The following RGS12 variants were observed in gnomAD, a reference collection of about 807,000 sequenced individuals.
RGS12 encodes regulator of G protein signaling 12.
RGS12 carries 66 observed loss-of-function variants against 120.1 expected under a neutral mutation model. The observed-to-expected ratio is 0.55, with a 90% CI of 0.45 to 0.67. The LOEUF is 0.67. RGS12 is among the 30% of genes least tolerant of loss of function. The probability of loss-of-function intolerance (pLI) is 0.00; values close to 1 mark genes in which losing one functional copy is unlikely to be tolerated. For missense variants in RGS12, 1,859 were observed against 1,957.7 expected, an observed-to-expected ratio of 0.95 and a Z score of 0.95; for synonymous variants, 827 against 804.7, an observed-to-expected ratio of 1.03 and a Z score of -0.47.
intron 1 of RGS12, among the ~76,000 whole-genome samples, chr4:3,315,198 A>C (rs1724659038): frequency 6.6e-6 from 1 of 152,082 alleles, no homozygotes; most frequent in African/African-American, 2.4e-5. Flanking sequence ...CGCCCCATGG[A>C]CCTCTGCCCT....
At chr4:3,428,796 C>A in intron 16 of RGS12, 85 bp downstream of exon 16, 1 of 1,239,140 alleles carries the variant, frequency 8.1e-7, no homozygotes, top group Non-Finnish European at 1.1e-6. Context: ...TTTGAGCTGT[C>A]AGCATCTGGG....
intron 3 of RGS12, among the ~76,000 whole-genome samples, chr4:3,380,639 G>A (rs1718165238): frequency 6.6e-6 from 1 of 152,212 alleles, no homozygotes; most frequent in South Asian, 2.1e-4. Context: ...CCACATGTAA[G>A]CTGCCAAGGC....
chr4:3,384,745 C>T (rs528869192), intron 3 of RGS12, among the ~76,000 whole-genome samples: 48 of 152,316 alleles, frequency 3.2e-4, no homozygotes, highest in African/African-American at 9.4e-4. Flanking sequence ...CGAAGCTGGC[C>T]CCAGGTGGTC....
rs569573948 is a variant in RGS12, at chr4:3,417,540, C to A, written c.2760C>A (p.Asp920Glu). Residue 920 changes from aspartate (D) to glutamate (E), a missense_variant and splice_region_variant, in exon 9 of 18, where the codon GAC becomes GAA. Physicochemically the swap from Asp to Glu is conservative, Grantham distance 45 (BLOSUM62 2). This residue lies in a region of RGS12 where 375 missense variants were observed against 475.0 expected (regional missense o/e 0.79). Coordinates refer to ENST00000336727, the MANE Select transcript of RGS12 (RefSeq NM_001394154.1). Reference sequence around the variant, plus strand: ...AGAGGGAGCACGGGGACCACGCAGACGGTTTGTGGGGTGGCTCCTGGGCTG... The same window carrying A: ...AGAGGGAGCACGGGGACCACGCAGAAGGTTTGTGGGGTGGCTCCTGGGCTG... ...QKKREHGDHA[D>E]DALHANGGLC... 6.2e-7 allele frequency: 1 copy of A among 1,612,496 alleles called. No homozygotes were observed. The highest frequency in any genetic ancestry group is 1.3e-5 in the African/African-American group (1 of 75,040).
At chr4:3,435,535 C>G (rs1386400754) in intron 17 of RGS12, among the ~76,000 whole-genome samples, 1 of 150,480 alleles carries the variant, frequency 6.6e-6, no homozygotes, top group Non-Finnish European at 1.5e-5. Flanking sequence ...CCCAGAGCCC[C>G]CTCTCCCTAG....
chr4:3,409,257 G>A (rs1053196819), intron 4 of RGS12, among the ~76,000 whole-genome samples: 1 of 152,212 alleles, frequency 6.6e-6, no homozygotes. Flanking sequence ...GAGCACACTG[G>A]GGAGGGAATA....
intron 4 of RGS12, among the ~76,000 whole-genome samples, chr4:3,398,176 AC>A (rs1163362441): frequency 6.6e-6 from 1 of 152,244 alleles, no homozygotes; most frequent in Non-Finnish European, 1.5e-5. Context: ...AATATAATTG[AC>A]CACTGGAAGT....
intron 3 of RGS12, chr4:3,343,265 G>T: frequency 2.0e-6 from 1 of 506,516 alleles, no homozygotes; most frequent in Middle Eastern, 5.5e-4. Flanking sequence ...AGGGCTTTCT[G>T]GGGTGCTCTT....
chr4:3,308,073 T>C (rs1024209647), intron 1 of RGS12, among the ~76,000 whole-genome samples: 3 of 152,194 alleles, frequency 2.0e-5, no homozygotes, highest in Admixed American at 6.5e-5. Flanking sequence ...CCCAGGACCA[T>C]GCGGTCAGGT....
intron 4 of RGS12, among the ~76,000 whole-genome samples, chr4:3,411,886 G>A (rs1320762): frequency 0.26 from 39,690 of 152,218 alleles, 5,451 homozygotes; most frequent in East Asian, 0.44. Flanking sequence ...GCGCTGGTGC[G>A]CGTCTTCTTG....
chr4:3,288,078 G>T (rs1448620812), upstream of RGS12, among the ~76,000 whole-genome samples: 7 of 152,246 alleles, frequency 4.6e-5, no homozygotes, highest in African/African-American at 1.7e-4. This position sits in a 1 kb window ranked among gnomAD's most constrained non-coding sequence, Gnocchi z 5.2. Flanking sequence ...GTACCTGCTG[G>T]CCCTGAGCTC....
rs760258089 is a variant in RGS12, at chr4:3,422,976, T to A, written c.3105T>A (p.Phe1035Leu). 1 of 1,612,740 alleles carries A rather than the reference T, an allele frequency of 6.2e-7. No homozygotes were observed. The highest frequency in any genetic ancestry group is 1.1e-5 in the South Asian group (1 of 91,076). The change falls in exon 12 of 18, where the codon TTT (phenylalanine) becomes TTA (leucine). Residue 1035 changes from phenylalanine (F) to leucine (L), a missense_variant and splice_region_variant. Around this residue, in one of 3 missense-constraint regions of RGS12, gnomAD observed 375 missense variants for 475.0 expected, o/e 0.79. Transcript: ENST00000336727. ...RDLRLEKRTL[F>L]RLDLVPINRS... ...TGCGCCTAGAAAAGCGCACCTTGTT[T>A]CGGTAAGAGGAAGATCGCTGTCATT...
chr4:3,410,808 C>T (rs1275087625), intron 4 of RGS12, among the ~76,000 whole-genome samples: 1 of 152,192 alleles, frequency 6.6e-6, no homozygotes, highest in East Asian at 1.9e-4. Flanking sequence ...CCTCCTCCTA[C>T]CTGGTGGCTG....
chr4:3,384,359 G>A (rs1283172347), intron 3 of RGS12, among the ~76,000 whole-genome samples: 2 of 152,164 alleles, frequency 1.3e-5, no homozygotes, highest in Non-Finnish European at 2.9e-5. Context: ...TCTTCATGTT[G>A]ACCAGGCTGG....
At position 3,366,913 on chromosome 4, in the gene RGS12, G is replaced by A. The variant is rs550160741; in HGVS notation, c.1999-19503G>A. 5.3e-5 allele frequency among the ~76,000 whole-genome samples: 8 copies of A among 152,158 alleles called. No homozygotes were observed. Among genetic ancestry groups the A allele is most frequent in the Non-Finnish European group, 1.2e-4 (8 of 68,028 alleles). ...CTTTCCAGTTAGCCAGGCCTCTCCTGGCCCCAGGACATAGCCCACGTGGGT... is the reference window on the plus strand; with the variant it reads ...CTTTCCAGTTAGCCAGGCCTCTCCTAGCCCCAGGACATAGCCCACGTGGGT... On this transcript the variant is annotated intron_variant, in intron 3 of 17. Coordinates refer to ENST00000336727, the MANE Select transcript of RGS12 (RefSeq NM_001394154.1). This position sits in a 1 kb window ranked among gnomAD's most constrained non-coding sequence, Gnocchi z 4.0.
intron 2 of RGS12, among the ~76,000 whole-genome samples, chr4:3,321,193 G>A (rs1420721032): frequency 6.6e-6 from 1 of 152,184 alleles, no homozygotes; most frequent in Non-Finnish European, 1.5e-5. Context: ...GAAAAGAAAG[G>A]CTAAGGTCAT....
At chr4:3,311,639 C>T (rs935492449) in intron 1 of RGS12, among the ~76,000 whole-genome samples, 2 of 152,192 alleles carry the variant, frequency 1.3e-5, no homozygotes, top group Non-Finnish European at 2.9e-5. Context: ...GTACACAAAC[C>T]TTGTTTCATG....
chr4:3,429,332 G>A (rs1241371332), intron 16 of RGS12, among the ~76,000 whole-genome samples: 1 of 152,234 alleles, frequency 6.6e-6, no homozygotes, highest in East Asian at 1.9e-4. Context: ...GTCAAAACCA[G>A]CAGCTGTCAC....
chr4:3,359,904 T>C (rs1715397242), intron 3 of RGS12, among the ~76,000 whole-genome samples: 1 of 152,170 alleles, frequency 6.6e-6, no homozygotes, highest in Admixed American at 6.5e-5. Flanking sequence ...ATTACAGGCA[T>C]GAGCCACCGT....
Sources: gnomAD v4.1 joint callset for allele counts (sites outside exome capture counted in the v4.1 genomes callset) on GRCh38, gnomAD v4.1.1 for gene constraint, gnomAD v4.1.1 regional missense constraint, Gnocchi (gnomAD v3.1) non-coding constraint, MANE v1.5 for transcripts, NCBI Gene and HGNC (gene_info 2026-07-23, HGNC 2026-07-21) for gene names.